The following ZSWIM6 variants were observed in gnomAD, a reference collection of about 807,000 sequenced individuals.
ZSWIM6 encodes zinc finger SWIM-type containing 6.
A neutral mutation model predicts 113.2 loss-of-function variants in ZSWIM6; 9 were observed. That is an observed-to-expected ratio of 0.08 (90% CI 0.05 to 0.14). The LOEUF is 0.14. ZSWIM6 is among the 10% of genes least tolerant of loss of function. The pLI is 1.00. For missense variants in ZSWIM6, 1,162 were observed against 1,552.2 expected, an observed-to-expected ratio of 0.75 and a Z score of 4.22; for synonymous variants, 611 against 606.5, an observed-to-expected ratio of 1.01 and a Z score of -0.11.
Position 61,543,505 on chromosome 5 carries a change from C to T in ZSWIM6, c.2836C>T (p.Pro946Ser). Residue 946 changes from proline (P) to serine (S), a missense_variant, in exon 14 of 14, where the codon CCC becomes TCC. This residue lies in a region of ZSWIM6 where 620 missense variants were observed against 804.6 expected (regional missense o/e 0.77). Coordinates refer to ENST00000252744, the MANE Select transcript of ZSWIM6 (RefSeq NM_020928.2). This position sits in a 1 kb window ranked among gnomAD's most constrained non-coding sequence, Gnocchi z 4.3. The stretch of plus-strand genomic sequence containing the variant: ...GCAGACCTGGTTTACACTCTTTACT[C>T]CCACCGAGGCCACAAGTATAGTTGC... ...IMQTWFTLFT[P>S]TEATSIVATT... 6.4e-7 allele frequency: 1 copy of T among 1,551,232 alleles called. No individual in the cohort carries two copies. Among genetic ancestry groups the T allele is most frequent in the Non-Finnish European group, 8.7e-7 (1 of 1,146,956 alleles).
intron 4 of ZSWIM6, among the ~76,000 whole-genome samples, chr5:61,520,876 A>G (rs1170168253): frequency 2.6e-5 from 4 of 152,150 alleles, no homozygotes; most frequent in Non-Finnish European, 5.9e-5. Flanking sequence ...GGGATTGTAT[A>G]TGTTATTGGC....
Position 61,544,541 on chromosome 5 carries a change from T to C in ZSWIM6, c.*224T>C, listed in dbSNP as rs1334898074. 5 of 217,500 alleles carry C rather than the reference T, an allele frequency of 2.3e-5. No homozygotes were observed. The highest frequency in any genetic ancestry group is 2.2e-4 in the Admixed American group (4 of 18,152). The allele number at this position is 217,500 out of a possible 1,614,324, so 13.5% of individuals were successfully genotyped here. ...TCCTTTATTTTATTATTTTTTTTAATTTTTTTTTTCTGGTTTTGTATGAGA... is the reference window on the plus strand; with the variant it reads ...TCCTTTATTTTATTATTTTTTTTAACTTTTTTTTTCTGGTTTTGTATGAGA... On this transcript the variant is annotated 3_prime_UTR_variant, in exon 14 of 14. Transcript: ENST00000252744.
At chr5:61,433,244 T>C (rs1746623221) in intron 1 of ZSWIM6, among the ~76,000 whole-genome samples, 1 of 152,166 alleles carries the variant, frequency 6.6e-6, no homozygotes, top group South Asian at 2.1e-4. Flanking sequence ...TATTAATTTA[T>C]ATTTGGGGAT....
At chr5:61,521,893 A>G (rs1365490241) in intron 5 of ZSWIM6, among the ~76,000 whole-genome samples, 1 of 152,162 alleles carries the variant, frequency 6.6e-6, no homozygotes, top group African/African-American at 2.4e-5. Flanking sequence ...TTTAAAATGT[A>G]GTAAGGAAAT....
At chr5:61,482,287 G>C (rs7713032) in intron 2 of ZSWIM6, among the ~76,000 whole-genome samples, 25,655 of 152,070 alleles carry the variant, frequency 0.17, 2,322 homozygotes, top group Non-Finnish European at 0.2. Flanking sequence ...TCGTAAGTGG[G>C]AGTTGAACAA....
chr5:61,438,650 A>T (rs1208651451), intron 1 of ZSWIM6, among the ~76,000 whole-genome samples: 3 of 152,208 alleles, frequency 2.0e-5, no homozygotes, highest in East Asian at 3.8e-4. Flanking sequence ...TTATGCAGAG[A>T]TATTAAATAT....
At chr5:61,522,322 A>AT (rs960207740) in intron 5 of ZSWIM6, among the ~76,000 whole-genome samples, 17 of 152,134 alleles carry the variant, frequency 1.1e-4, no homozygotes, top group African/African-American at 4.1e-4. Flanking sequence ...GATTCAGTGC[A>AT]TTTTTTGGGA....
intron 1 of ZSWIM6, among the ~76,000 whole-genome samples, chr5:61,349,816 T>C (rs1170426673): frequency 2.0e-5 from 3 of 152,212 alleles, no homozygotes; most frequent in African/African-American, 7.2e-5. Context: ...AAGTGATTGC[T>C]TTTTCCTTCT....
chr5:61,425,768 G>T (rs1746452135), intron 1 of ZSWIM6, among the ~76,000 whole-genome samples: 1 of 152,190 alleles, frequency 6.6e-6, no homozygotes, highest in Non-Finnish European at 1.5e-5. Flanking sequence ...AACAGAATGT[G>T]CAAAAGCACT....
At chr5:61,457,576 C>T (rs1580006091) in intron 1 of ZSWIM6, among the ~76,000 whole-genome samples, 1 of 152,170 alleles carries the variant, frequency 6.6e-6, no homozygotes, top group East Asian at 1.9e-4. Flanking sequence ...GGCTGGAGTG[C>T]ACTGGCGTGA....
chr5:61,539,515 A>T (rs1466148974), intron 11 of ZSWIM6, 81 bp from the exon 12 acceptor site: 2 of 1,442,830 alleles, frequency 1.4e-6, no homozygotes, highest in Non-Finnish European at 1.9e-6. Context: ...GTGTGTGTGT[A>T]TGGTTGTATG....
chr5:61,510,659 C>A lies in ZSWIM6; in HGVS notation c.1334-10604C>A, dbSNP rs865908091. Among the ~76,000 whole-genome samples, 7 of 152,210 alleles carry A rather than the reference C, an allele frequency of 4.6e-5. No homozygotes were observed. The South Asian group carries it at 1.4e-3, about 32-fold the overall frequency. On this transcript the variant is annotated intron_variant, in intron 4 of 13. Coordinates refer to ENST00000252744, the MANE Select transcript of ZSWIM6 (RefSeq NM_020928.2). ...GCTGGATGTTAGAGAAAAGCTAGAG[C>A]TGGTATGTGCCAGATGATGCACACA... is the stretch of plus-strand genomic sequence containing the variant.
intron 1 of ZSWIM6, 64 bp downstream of exon 1, chr5:61,333,012 C>A: frequency 9.0e-7 from 1 of 1,113,942 alleles, no homozygotes; most frequent in Non-Finnish European, 1.1e-6. Context: ...GGGGGGGGTG[C>A]CCGCCTTTCT....
chr5:61,469,755 A>G (rs1747522768), intron 1 of ZSWIM6, among the ~76,000 whole-genome samples: 1 of 152,038 alleles, frequency 6.6e-6, no homozygotes, highest in Admixed American at 6.6e-5. Context: ...GCTGGAGTGC[A>G]GTGGTGCAAT....
At chr5:61,521,494 T>G (rs1302293051) in intron 5 of ZSWIM6, 52 bp downstream of exon 5, 2 of 1,308,264 alleles carry the variant, frequency 1.5e-6, no homozygotes, top group South Asian at 2.2e-5. Context: ...ATTATGCATA[T>G]GTGCTTATAA....
At chr5:61,386,719 T>G (rs544349657) in intron 1 of ZSWIM6, among the ~76,000 whole-genome samples, 1 of 152,306 alleles carries the variant, frequency 6.6e-6, no homozygotes, top group African/African-American at 2.4e-5. Context: ...GAATATATTT[T>G]GAGATTCTGA....
At chr5:61,495,643 C>T (rs974847351) in intron 4 of ZSWIM6, among the ~76,000 whole-genome samples, 9 of 151,944 alleles carry the variant, frequency 5.9e-5, no homozygotes, top group East Asian at 3.9e-4. Flanking sequence ...TAGATAGTTT[C>T]GATGTATTAG....
intron 1 of ZSWIM6, among the ~76,000 whole-genome samples, chr5:61,348,266 A>G (rs774983067): frequency 5.9e-5 from 9 of 152,132 alleles, no homozygotes; most frequent in Non-Finnish European, 1.3e-4. Context: ...TGTAGTTTGT[A>G]TTTTTAAAAT....
intron 2 of ZSWIM6, among the ~76,000 whole-genome samples, chr5:61,480,245 G>A (rs1435948691): frequency 6.6e-6 from 1 of 152,102 alleles, no homozygotes; most frequent in Admixed American, 6.5e-5. Flanking sequence ...CTATTGAACT[G>A]CTGAAGTAAA....
Sources: gnomAD v4.1 joint callset for allele counts (sites outside exome capture counted in the v4.1 genomes callset) on GRCh38, gnomAD v4.1.1 for gene constraint, gnomAD v4.1.1 regional missense constraint, Gnocchi (gnomAD v3.1) non-coding constraint, MANE v1.5 for transcripts, NCBI Gene and HGNC (gene_info 2026-07-23, HGNC 2026-07-21) for gene names.